Variants in CORO2B observed in about 807,000 individuals in gnomAD.
CORO2B encodes the protein coronin 2B.
CORO2B carries 26 observed loss-of-function variants against 58.8 expected under a neutral mutation model. The ratio of observed to expected loss-of-function variants is 0.44; its 90% CI spans 0.32 to 0.61. CORO2B has a LOEUF of 0.61. CORO2B is among the 20% of genes least tolerant of loss of function. The pLI, the probability that CORO2B is intolerant of heterozygous loss-of-function variation, is 0.04. For missense variants in CORO2B, 460 were observed against 645.1 expected (o/e 0.71, Z 3.11); for synonymous variants, 242 against 253.8 (o/e 0.95, Z 0.44).
Position 68,637,862 on chromosome 15 carries a change from C to T in CORO2B, c.16-7298C>T, listed in dbSNP as rs900870242. ...TAAAAAAACTGCTCTCTTACATTTTCGTGTTCCACTTAAAAGCTAAATTTT... is the reference window on the plus strand; with the variant it reads ...TAAAAAAACTGCTCTCTTACATTTTTGTGTTCCACTTAAAAGCTAAATTTT... On this transcript the variant is annotated intron_variant, in intron 1 of 11. Transcript: ENST00000261861. Among the ~76,000 whole-genome samples, 7 of 152,308 alleles carry T rather than the reference C, an allele frequency of 4.6e-5. 1 individual carries two copies. The highest frequency in any genetic ancestry group is 2.4e-5 in the African/African-American group (1 of 41,556).
intron 1 of CORO2B, among the ~76,000 whole-genome samples, chr15:68,617,027 AG>A (rs1418347303): frequency 1.3e-5 from 2 of 152,224 alleles, no homozygotes; most frequent in Non-Finnish European, 2.9e-5. Flanking sequence ...GTATATGGAG[AG>A]TAGTAACCCT....
At chr15:68,613,141 C>T (rs546777775) in intron 1 of CORO2B, among the ~76,000 whole-genome samples, 1 of 152,304 alleles carries the variant, frequency 6.6e-6, no homozygotes, top group East Asian at 1.9e-4. Context: ...GTCTTACATC[C>T]AGCTTACACC....
intron 11 of CORO2B, among the ~76,000 whole-genome samples, chr15:68,723,930 G>T (rs1893229836): frequency 6.6e-6 from 1 of 152,000 alleles, no homozygotes; most frequent in Admixed American, 6.6e-5. Context: ...AGTAGGCCGG[G>T]GTGGTGGCTC....
chr15:68,695,677 G>A (rs1892494105), intron 3 of CORO2B, among the ~76,000 whole-genome samples: 1 of 152,130 alleles, frequency 6.6e-6, no homozygotes, highest in Non-Finnish European at 1.5e-5. Context: ...TGTACCATCT[G>A]GTTTGTCCTC....
chr15:68,612,814 A>G (rs777382397), intron 1 of CORO2B, among the ~76,000 whole-genome samples: 1 of 152,202 alleles, frequency 6.6e-6, no homozygotes, highest in African/African-American at 2.4e-5. Context: ...GCAAATCTGT[A>G]GCTTGGGAGT....
intron 2 of CORO2B, among the ~76,000 whole-genome samples, chr15:68,693,604 AC>A (rs2140311960): frequency 6.6e-6 from 1 of 152,178 alleles, no homozygotes; most frequent in South Asian, 2.1e-4. Context: ...CTTCTCTGCC[AC>A]CTTTGTAGCC....
At chr15:68,575,097 C>T (rs569918737), upstream of CORO2B, among the ~76,000 whole-genome samples, 1 of 152,308 alleles carries the variant, frequency 6.6e-6, no homozygotes, top group Admixed American at 6.5e-5. Context: ...GAACCAGGGA[C>T]TTTTTACTTT....
In CORO2B at chr15:68,579,095, C is replaced by T. The variant is rs1235626047; in HGVS notation, c.-168C>T. On this transcript the variant is annotated 5_prime_UTR_variant, in exon 1 of 12. Coordinates refer to ENST00000261861, the MANE Select transcript of CORO2B (RefSeq NM_006091.5). ...CGGCGGGCGAGCGCCGACGAGCGGT[C>T]CCTGCGCGCTGCCCGCCCGGAGCGC... The T allele has an allele frequency of 2.0e-6, 2 of 983,092 alleles. No individual in the cohort carries two copies. The highest frequency in any genetic ancestry group is 2.4e-6 in the Non-Finnish European group (2 of 829,094). The allele number at this position is 983,092 out of a possible 1,614,324, so 60.9% of individuals were successfully genotyped here.
At chr15:68,525,279 T>C in the CORO2B span, among the ~76,000 whole-genome samples, 24 of 152,208 alleles carry the variant, frequency 1.6e-4, no homozygotes, top group Admixed American at 2.0e-4. Flanking sequence ...GGGGGACAGA[T>C]ACAAACTTCA....
intron 8 of CORO2B, among the ~76,000 whole-genome samples, chr15:68,715,912 A>G (rs12443134): frequency 0.13 from 20,299 of 152,240 alleles, 1,755 homozygotes; most frequent in Admixed American, 0.19. Flanking sequence ...TGATTCAGCA[A>G]TTCTATATTT....
At chr15:68,615,006 G>C (rs1246935840) in intron 1 of CORO2B, among the ~76,000 whole-genome samples, 4 of 152,236 alleles carry the variant, frequency 2.6e-5, no homozygotes, top group Non-Finnish European at 5.9e-5. Context: ...AGGGTGGGAT[G>C]GTGGGGATGC....
intron 1 of CORO2B, among the ~76,000 whole-genome samples, chr15:68,594,972 A>G (rs207475573): frequency 6.6e-6 from 1 of 152,212 alleles, no homozygotes; most frequent in Admixed American, 6.5e-5. Flanking sequence ...CCAATTCTGA[A>G]AAGAGTGAAC....
At position 68,701,632 on chromosome 15, in the gene CORO2B, C is replaced by A. The variant is rs1005090291; in HGVS notation, c.333+6376C>A. ...TCCCGTGTAGCTGGGACTACAGGTG[C>A]GCGCCACCATGCCCGGCTAATTTTT... On this transcript the variant is annotated intron_variant, in intron 3 of 11. Coordinates refer to ENST00000261861, the MANE Select transcript of CORO2B (RefSeq NM_006091.5). 2.0e-5 allele frequency among the ~76,000 whole-genome samples: 3 copies of A among 151,828 alleles called. No homozygotes were observed. The East Asian group carries it at 5.8e-4, about 30-fold the overall frequency.
chr15:68,657,298 C>T (rs1055971412), intron 2 of CORO2B, among the ~76,000 whole-genome samples: 1 of 152,064 alleles, frequency 6.6e-6, no homozygotes, highest in African/African-American at 2.4e-5. Flanking sequence ...GGAAGGATTG[C>T]TTGAGTGCAG....
At chr15:68,616,644 C>G in intron 1 of CORO2B, 1 of 983,098 alleles carries the variant, frequency 1.0e-6, no homozygotes, top group Non-Finnish European at 1.2e-6. Context: ...CGCGTGGGCC[C>G]CAGCGCAAGC....
intron 11 of CORO2B, among the ~76,000 whole-genome samples, chr15:68,724,982 A>C (rs1176773883): frequency 6.6e-6 from 1 of 152,208 alleles, no homozygotes; most frequent in Non-Finnish European, 1.5e-5. Flanking sequence ...TTCTTGTCAT[A>C]GTTCCTCATC....
chr15:68,535,835 T>C, the CORO2B span, among the ~76,000 whole-genome samples: 1 of 152,182 alleles, frequency 6.6e-6, no homozygotes, highest in African/African-American at 2.4e-5. Flanking sequence ...GTAAGAATTG[T>C]ATGGATTTAT....
chr15:68,648,782 G>C (rs1265142739), intron 2 of CORO2B, among the ~76,000 whole-genome samples: 1 of 152,224 alleles, frequency 6.6e-6, no homozygotes, highest in Non-Finnish European at 1.5e-5. Context: ...ATAATCATCA[G>C]TATTGCCAAA....
rs565912529 is a variant in CORO2B at position 68,629,612 on chromosome 15, G to A, written c.16-15548G>A. 6.6e-5 allele frequency among the ~76,000 whole-genome samples: 10 copies of A among 152,326 alleles called. No homozygotes were observed. In the South Asian group the frequency reaches 2.1e-3, roughly 32 times the overall value. ...GGGGATGAAACGATGTGCAGGGAAA[G>A]GCTATGCACTGAGCAGCTCCCAGGC... On this transcript the variant is annotated intron_variant, in intron 1 of 11. Coordinates refer to ENST00000261861, the MANE Select transcript of CORO2B (RefSeq NM_006091.5).
Sources: gnomAD v4.1 joint callset for allele counts (sites outside exome capture counted in the v4.1 genomes callset) on GRCh38, gnomAD v4.1.1 for gene constraint, MANE v1.5 for transcripts, NCBI Gene and HGNC (gene_info 2026-07-23, HGNC 2026-07-21) for gene names.